Variants in SBF2 observed in about 807,000 individuals in gnomAD.
The protein encoded by SBF2 is myotubularin-related protein 13.
SBF2 carries 112 observed loss-of-function variants against 225.2 expected under a neutral mutation model. The observed-to-expected ratio is 0.50, with a 90% CI of 0.43 to 0.58. SBF2 has a LOEUF of 0.58. Ranked by LOEUF, SBF2 falls within the 20% of genes least tolerant of loss-of-function variation. The pLI is 0.00. For synonymous variants in SBF2, 763 were observed against 773.3 expected, an observed-to-expected ratio of 0.99 and a Z score of 0.22; for missense variants, 1,996 against 2,206.2, an observed-to-expected ratio of 0.90 and a Z score of 1.91.
chr11:10,076,514 T>A (rs1256863096), intron 2 of SBF2, among the ~76,000 whole-genome samples: 1 of 152,162 alleles, frequency 6.6e-6, no homozygotes, highest in Admixed American at 6.5e-5. Context: ...GTTTGCAGCA[T>A]GGGACCAGGA....
intron 1 of SBF2, among the ~76,000 whole-genome samples, chr11:10,242,053 G>A (rs1474850285): frequency 6.6e-6 from 1 of 151,546 alleles, no homozygotes; most frequent in African/African-American, 2.4e-5. Flanking sequence ...AAAGGCAGGT[G>A]TGTTAGGTCC....
intron 2 of SBF2, among the ~76,000 whole-genome samples, chr11:10,173,513 C>G (rs573495334): frequency 2.2e-3 from 332 of 152,332 alleles, no homozygotes; most frequent in African/African-American, 7.3e-3. Context: ...GGGTCCTACG[C>G]CCACGGAGTC....
Position 9,992,475 on chromosome 11 carries a change from T to C in SBF2, c.1236A>G (p.Ala412=), listed in dbSNP as rs1947481198. The C allele has an allele frequency of 6.2e-7, 1 of 1,613,166 alleles. No homozygotes were observed. The highest frequency in any genetic ancestry group is 1.3e-5 in the African/African-American group (1 of 74,886). The part of the protein sequence containing the change: ...DFLTKVLSGM[A]FAGFVSERGP... ...CTCTTTCTGAAACAAAACCTGCAAATGCCATTCCACTGAGTACTTTAGTGA... is the reference window on the plus strand; with the variant it reads ...CTCTTTCTGAAACAAAACCTGCAAACGCCATTCCACTGAGTACTTTAGTGA... The change falls in exon 12 of 40, where the codon GCA becomes GCG. Residue 412 remains alanine (A), a synonymous_variant. Coordinates refer to ENST00000256190, the MANE Select transcript of SBF2 (RefSeq NM_030962.4).
rs185103786 is a variant in SBF2 at position 10,228,330 on chromosome 11, T to C, written c.56-34343A>G. Among the ~76,000 whole-genome samples the C allele has an allele frequency of 2.0e-3, 311 of 152,292 alleles. 1 individual carries two copies. Among genetic ancestry groups the C allele is most frequent in the Middle Eastern group, 6.8e-3 (2 of 294 alleles). On this transcript the variant is annotated intron_variant, in intron 1 of 39. Transcript: ENST00000256190. ...CCCTTTATTTCCTTCTCCTGCCTGA[T>C]TGCCCTGGCCAGAACTTCCAACACT...
intron 2 of SBF2, among the ~76,000 whole-genome samples, chr11:10,153,774 AAAAG>A (rs1177191808): frequency 5.9e-5 from 9 of 152,116 alleles, no homozygotes; most frequent in East Asian, 1.9e-4. Flanking sequence ...GATCAGGGAA[AAAAG>A]AAAGAAGGAA....
chr11:9,807,784 C>T, intron 32 of SBF2: 1 of 594,258 alleles, frequency 1.7e-6, no homozygotes, highest in Non-Finnish European at 3.0e-6. Flanking sequence ...GGGGCAAGCC[C>T]AACAGCCAGC....
intron 2 of SBF2, among the ~76,000 whole-genome samples, chr11:10,080,199 G>A (rs1194332939): frequency 1.4e-5 from 2 of 146,154 alleles, no homozygotes; most frequent in Non-Finnish European, 1.5e-5. Flanking sequence ...AGTGAGCCGA[G>A]GTCACACCAC....
At chr11:10,043,115 A>T (rs967586449) in intron 2 of SBF2, 134 bp from the exon 3 acceptor site, 7 of 817,946 alleles carry the variant, frequency 8.6e-6, no homozygotes, top group East Asian at 2.7e-5. Context: ...GCCAACATTT[A>T]AAAAAAAGTT....
chr11:9,823,891 G>A (rs1230847318), intron 28 of SBF2, among the ~76,000 whole-genome samples: 3 of 152,318 alleles, frequency 2.0e-5, no homozygotes, highest in Non-Finnish European at 4.4e-5. Flanking sequence ...GGAGGCTTTA[G>A]GAGTGAAGAG....
chr11:10,138,383 T>C lies in SBF2; in HGVS notation c.141+55519A>G, dbSNP rs1565274564. On this transcript the variant is annotated intron_variant, in intron 2 of 39. Coordinates refer to ENST00000256190, the MANE Select transcript of SBF2 (RefSeq NM_030962.4). ...ACATTTTGTCTATTTGTTCTAGGGG[T>C]GTAACAATTGTATCATCCCCTCAAA... Among the ~76,000 whole-genome samples the C allele has an allele frequency of 4.6e-5, 7 of 152,258 alleles. No homozygotes were observed. In the South Asian group the frequency reaches 1.4e-3, roughly 32 times the overall value.
intron 6 of SBF2, among the ~76,000 whole-genome samples, chr11:10,020,948 T>C (rs944403994): frequency 2.0e-5 from 3 of 149,936 alleles, no homozygotes; most frequent in African/African-American, 4.9e-5. Context: ...TCAGAGATCA[T>C]CGATGGAGAC....
chr11:10,215,232 A>G (rs989325808), intron 1 of SBF2, among the ~76,000 whole-genome samples: 7 of 152,362 alleles, frequency 4.6e-5, no homozygotes, highest in African/African-American at 1.7e-4. Flanking sequence ...TCATGTCCAG[A>G]AAACAAAGCA....
intron 13 of SBF2, among the ~76,000 whole-genome samples, chr11:9,974,028 G>C (rs1199116298): frequency 6.6e-6 from 1 of 152,078 alleles, no homozygotes; most frequent in Non-Finnish European, 1.5e-5. Flanking sequence ...TACTGTCACT[G>C]GAGTAAATTG....
intron 17 of SBF2, among the ~76,000 whole-genome samples, chr11:9,878,113 A>G (rs1271102066): frequency 6.6e-6 from 1 of 152,154 alleles, no homozygotes; most frequent in Admixed American, 6.5e-5. Context: ...ATGGTATCTC[A>G]TTGTGGTTTT....
At chr11:10,211,585 G>A (rs917445313) in intron 1 of SBF2, among the ~76,000 whole-genome samples, 2 of 152,274 alleles carry the variant, frequency 1.3e-5, no homozygotes, top group South Asian at 2.1e-4. Flanking sequence ...GATCTAAGGT[G>A]TCTGCTAGTT....
chr11:9,857,643 T>C (rs760679540), intron 18 of SBF2, among the ~76,000 whole-genome samples: 103 of 152,326 alleles, frequency 6.8e-4, no homozygotes, highest in Non-Finnish European at 1.3e-3. Flanking sequence ...GTAACATGAC[T>C]TGCCCCAAAC....
At chr11:10,135,774 C>A (rs1194280169) in intron 2 of SBF2, among the ~76,000 whole-genome samples, 2 of 152,176 alleles carry the variant, frequency 1.3e-5, no homozygotes, top group African/African-American at 4.8e-5. Context: ...CAAAGCCATT[C>A]AACAAGTCTA....
chr11:10,269,677 A>G (rs902695792), intron 1 of SBF2, among the ~76,000 whole-genome samples: 1 of 152,236 alleles, frequency 6.6e-6, no homozygotes, highest in Non-Finnish European at 1.5e-5. Context: ...AAACTGAGAC[A>G]GAAAAATTAA....
chr11:10,234,119 C>G (rs565381668), intron 1 of SBF2, among the ~76,000 whole-genome samples: 45 of 152,194 alleles, frequency 3.0e-4, no homozygotes, highest in Non-Finnish European at 5.9e-4. Context: ...ATCTATTTCT[C>G]TCATTTATAT....
Sources: gnomAD v4.1 joint callset for allele counts (sites outside exome capture counted in the v4.1 genomes callset) on GRCh38, gnomAD v4.1.1 for gene constraint, MANE v1.5 for transcripts, NCBI Gene and HGNC (gene_info 2026-07-23, HGNC 2026-07-21) for gene names.